CDKL2: variants seen among roughly 807,000 people sequenced by gnomAD.
CDKL2 encodes the protein cyclin dependent kinase like 2.
In CDKL2, 64 loss-of-function variants were observed where a neutral mutation model predicts 63.9. The ratio of observed to expected loss-of-function variants is 1.00; its 90% CI spans 0.82 to 1.23. The LOEUF is 1.23. CDKL2 is among the 50% of genes most tolerant of loss of function. The probability of loss-of-function intolerance (pLI) is 0.00; values close to 1 mark genes in which losing one functional copy is unlikely to be tolerated. For synonymous variants in CDKL2, 211 were observed against 229.2 expected (o/e 0.92, Z 0.72); for missense variants, 656 against 668.0 (o/e 0.98, Z 0.20).
At chr4:75,583,693 C>T (rs1460968949) in intron 12 of CDKL2, among the ~76,000 whole-genome samples, 1 of 152,112 alleles carries the variant, frequency 6.6e-6, no homozygotes, top group African/African-American at 2.4e-5. Context: ...GTATGTCAAC[C>T]TCAAAACCAA....
intron 7 of CDKL2, among the ~76,000 whole-genome samples, chr4:75,598,906 T>A (rs1578328092): frequency 6.6e-6 from 1 of 152,166 alleles, no homozygotes; most frequent in East Asian, 1.9e-4. Flanking sequence ...AAAGTGATCT[T>A]GTCACTTCAA....
At chr4:75,627,984 A>C (rs915933270) in intron 1 of CDKL2, among the ~76,000 whole-genome samples, 1 of 151,114 alleles carries the variant, frequency 6.6e-6, no homozygotes, top group African/African-American at 2.4e-5. Flanking sequence ...TTTTAAAATT[A>C]AATTAAATTT....
At position 75,597,198 on chromosome 4, in the gene CDKL2, T is replaced by C. The variant is rs199831023; in HGVS notation, c.1059A>G (p.Leu353=). 35 of 1,610,074 alleles carry C rather than the reference T, an allele frequency of 2.2e-5. No homozygotes were observed. Among genetic ancestry groups the C allele is most frequent in the Non-Finnish European group, 3.0e-5 (35 of 1,176,772 alleles). ...NADPKIKDYK[L]FKIKGSKIDG... is the part of the protein sequence containing the mutation. ...CAATTTTTGAGCCTTTTATTTTAAATAGTTTATAATCCTTAATTTTGGGAT... is the reference window on the plus strand; with the variant it reads ...CAATTTTTGAGCCTTTTATTTTAAACAGTTTATAATCCTTAATTTTGGGAT... Residue 353 remains leucine (L), a synonymous_variant, in exon 9 of 14, where the codon CTA becomes CTG. Transcript: ENST00000307465.
intron 12 of CDKL2, among the ~76,000 whole-genome samples, chr4:75,586,856 A>G (rs1728501769): frequency 6.6e-6 from 1 of 152,168 alleles, no homozygotes. Context: ...ACATGCTTAC[A>G]TTACAAAACA....
chr4:75,596,173 A>G, intron 10 of CDKL2, 74 bp downstream of exon 10: 1 of 874,278 alleles, frequency 1.1e-6, no homozygotes, highest in Non-Finnish European at 1.9e-6. Context: ...ATACTTCACT[A>G]TCATATTTAA....
At position 75,605,578 on chromosome 4, in the gene CDKL2, G is replaced by C; in HGVS notation, c.599C>G (p.Pro200Arg). 1 of 1,613,426 alleles carries C rather than the reference G, an allele frequency of 6.2e-7. No homozygotes were observed. The highest frequency in any genetic ancestry group is 8.5e-7 in the Non-Finnish European group (1 of 1,179,562). ...AATATCAGAATCTCCAGGAAATAGG[G>C]GTTCCCCCATGAACATTTCAGTTAC... The part of the protein sequence containing the change: ...CLVTEMFMGE[P>R]LFPGDSDIDQ... Residue 200 changes from proline to arginine, a missense_variant, in exon 5 of 14, where the codon CCC becomes CGC. Transcript: ENST00000307465.
intron 3 of CDKL2, among the ~76,000 whole-genome samples, chr4:75,612,604 G>A (rs1170554414): frequency 6.6e-6 from 1 of 152,156 alleles, no homozygotes. Context: ...TATGAAGAAG[G>A]ATGAATCAGT....
At chr4:75,617,624 A>G (rs1729984441) in intron 2 of CDKL2, among the ~76,000 whole-genome samples, 1 of 152,234 alleles carries the variant, frequency 6.6e-6, no homozygotes, top group Non-Finnish European at 1.5e-5. Context: ...TCTAAATAAT[A>G]CTAGAATGTC....
intron 7 of CDKL2, among the ~76,000 whole-genome samples, chr4:75,600,028 C>T (rs576031608): frequency 3.3e-5 from 5 of 152,274 alleles, no homozygotes; most frequent in African/African-American, 9.6e-5. Flanking sequence ...GACTGGTAGA[C>T]GTCACCACAG....
In CDKL2 at chr4:75,577,351, T is replaced by C. The variant is rs114094350; in HGVS notation, c.*1851A>G. The stretch of plus-strand genomic sequence containing the variant: ...ACTGAAACCAATTTGCAGAATCTTT[T>C]TCTAGTAGTTCTGCCACAGTTCTAA... On this transcript the variant is annotated 3_prime_UTR_variant, in exon 14 of 14. Transcript: ENST00000307465. Among the ~76,000 whole-genome samples the C allele has an allele frequency of 0.034, 5,147 of 152,278 alleles. 116 individuals are homozygous for C. The highest frequency in any genetic ancestry group is 0.049 in the Non-Finnish European group (3,356 of 67,998).
chr4:75,585,957 T>C (rs376650204), intron 12 of CDKL2, among the ~76,000 whole-genome samples: 40 of 152,048 alleles, frequency 2.6e-4, no homozygotes, highest in Non-Finnish European at 3.8e-4. Context: ...GAACAATTAA[T>C]CCAACAACAA....
intron 2 of CDKL2, among the ~76,000 whole-genome samples, chr4:75,624,237 T>A (rs1184648844): frequency 6.6e-6 from 1 of 152,084 alleles, no homozygotes; most frequent in Non-Finnish European, 1.5e-5. Context: ...CTCTTATTAA[T>A]TTCAAATAAA....
chr4:75,628,437 T>C (rs1730534607), intron 1 of CDKL2, among the ~76,000 whole-genome samples: 1 of 152,134 alleles, frequency 6.6e-6, no homozygotes, highest in South Asian at 2.1e-4. Flanking sequence ...ACTCATATTA[T>C]ATGACATTTT....
chr4:75,591,179 T>C (rs1157350725), intron 12 of CDKL2, among the ~76,000 whole-genome samples: 2 of 152,164 alleles, frequency 1.3e-5, no homozygotes, highest in African/African-American at 4.8e-5. Flanking sequence ...CTTTGAAAGG[T>C]AGGTTGTTTA....
intron 2 of CDKL2, among the ~76,000 whole-genome samples, chr4:75,624,932 G>A (rs1730335152): frequency 2.0e-5 from 3 of 152,096 alleles, no homozygotes; most frequent in Admixed American, 1.3e-4. Context: ...TAACTCAACA[G>A]CAAGATATAA....
intron 6 of CDKL2, 102 bp downstream of exon 6, chr4:75,603,712 CAAA>C (rs35686740): frequency 0.011 from 3,780 of 345,774 alleles, no homozygotes; most frequent in South Asian, 0.014. Flanking sequence ...AAGACTCCAT[CAAA>C]AAAAAAAAAA....
intron 1 of CDKL2, among the ~76,000 whole-genome samples, chr4:75,626,531 G>C (rs1220972278): frequency 6.6e-6 from 1 of 152,170 alleles, no homozygotes; most frequent in African/African-American, 2.4e-5. Context: ...GCCGGACTTG[G>C]TGGCAGGCGC....
rs561737552 is a variant in CDKL2 at position 75,602,337 on chromosome 4, G to A, written c.795+1480C>T. 3.3e-5 allele frequency among the ~76,000 whole-genome samples: 5 copies of A among 152,080 alleles called. No homozygotes were observed. In the South Asian group the frequency reaches 6.2e-4, roughly 19 times the overall value. ...GGGGGTTACAGGCACGTGCCACCAC[G>A]CCCAGCTAATTTTTGTATTTTTAGT... On this transcript the variant is annotated intron_variant, in intron 6 of 13. Transcript: ENST00000307465.
intron 4 of CDKL2, among the ~76,000 whole-genome samples, chr4:75,606,267 T>C (rs769620641): frequency 9.3e-5 from 14 of 150,444 alleles, no homozygotes; most frequent in Non-Finnish European, 1.6e-4. Context: ...CAGGCTGGAG[T>C]GCAGTCGCGT....
Sources: gnomAD v4.1 joint callset for allele counts (sites outside exome capture counted in the v4.1 genomes callset) on GRCh38, gnomAD v4.1.1 for gene constraint, MANE v1.5 for transcripts, NCBI Gene and HGNC (gene_info 2026-07-23, HGNC 2026-07-21) for gene names.